The following GABRB1 variants were observed in gnomAD, a reference collection of about 807,000 sequenced individuals.
GABRB1 encodes gamma-aminobutyric acid receptor subunit beta-1.
GABRB1 carries 17 observed loss-of-function variants against 51.6 expected under a neutral mutation model. The observed-to-expected ratio is 0.33, with a 90% CI of 0.23 to 0.49. GABRB1 has a LOEUF of 0.49. Ranked by LOEUF, GABRB1 falls within the 20% of genes least tolerant of loss-of-function variation. The pLI, the probability that GABRB1 is intolerant of heterozygous loss-of-function variation, is 0.99. For synonymous variants in GABRB1, 247 were observed against 218.9 expected, an observed-to-expected ratio of 1.13 and a Z score of -1.14; for missense variants, 410 against 600.6, an observed-to-expected ratio of 0.68 and a Z score of 3.32.
intron 1 of GABRB1, among the ~76,000 whole-genome samples, chr4:47,023,613 A>G (rs1159931676): frequency 1.3e-5 from 2 of 152,044 alleles, no homozygotes; most frequent in African/African-American, 4.8e-5. Context: ...AAAAGAAGAA[A>G]AAATAACTGC....
At chr4:47,297,501 A>G (rs1724052923) in intron 4 of GABRB1, among the ~76,000 whole-genome samples, 2 of 152,180 alleles carry the variant, frequency 1.3e-5, no homozygotes, top group African/African-American at 4.8e-5. Flanking sequence ...TAAACTAGAG[A>G]ATCTAGAAGA....
At chr4:47,349,927 C>A (rs190398491) in intron 5 of GABRB1, among the ~76,000 whole-genome samples, 2 of 151,972 alleles carry the variant, frequency 1.3e-5, no homozygotes, top group Non-Finnish European at 2.9e-5. Context: ...TTATAGCCCT[C>A]TTACATATAG....
At chr4:47,019,549 TTCTCTCTC>T (rs142639522) in intron 1 of GABRB1, among the ~76,000 whole-genome samples, 4 of 128,818 alleles carry the variant, frequency 3.1e-5, no homozygotes, top group Non-Finnish European at 4.9e-5. Flanking sequence ...CAGGTTTAGT[TTCTCTCTC>T]TCTCTCTCTC....
intron 3 of GABRB1, among the ~76,000 whole-genome samples, chr4:47,043,942 T>C (rs1487673715): frequency 6.6e-6 from 1 of 152,138 alleles, no homozygotes; most frequent in South Asian, 2.1e-4. Context: ...GGTTTGCTTA[T>C]GGACAGAGAT....
At chr4:47,080,247 C>T (rs1727767338) in intron 3 of GABRB1, among the ~76,000 whole-genome samples, 4 of 150,902 alleles carry the variant, frequency 2.7e-5, no homozygotes, top group Admixed American at 2.0e-4. Flanking sequence ...TGACGCATGC[C>T]TTGTTTAGAA....
At chr4:47,097,501 C>T (rs1714505400) in intron 3 of GABRB1, among the ~76,000 whole-genome samples, 1 of 152,154 alleles carries the variant, frequency 6.6e-6, no homozygotes, top group African/African-American at 2.4e-5. Context: ...AATTTTCTTG[C>T]TCATTTTTCT....
chr4:47,316,090 C>T (rs947859203), intron 4 of GABRB1, among the ~76,000 whole-genome samples: 3 of 151,732 alleles, frequency 2.0e-5, no homozygotes, highest in Admixed American at 6.6e-5. Context: ...AGAAGCATTA[C>T]ACTATCACCT....
At chr4:47,175,524 T>C (rs969733198) in intron 4 of GABRB1, among the ~76,000 whole-genome samples, 1 of 152,210 alleles carries the variant, frequency 6.6e-6, no homozygotes, top group African/African-American at 2.4e-5. Context: ...TTGGCTTTTA[T>C]GTAGTCAGGT....
chr4:47,407,901 G>A (rs1728629733), intron 8 of GABRB1, among the ~76,000 whole-genome samples: 1 of 152,126 alleles, frequency 6.6e-6, no homozygotes, highest in Non-Finnish European at 1.5e-5. Context: ...AGACCAGCCT[G>A]GGCAACATGG....
intron 3 of GABRB1, among the ~76,000 whole-genome samples, chr4:47,072,640 G>A (rs902073870): frequency 6.6e-6 from 1 of 152,044 alleles, no homozygotes; most frequent in African/African-American, 2.4e-5. Flanking sequence ...TTTGCATAAG[G>A]CAATGCTGTG....
Position 47,123,401 on chromosome 4 carries a change from T to A in GABRB1, c.241-37848T>A, listed in dbSNP as rs1208162402. On this transcript the variant is annotated intron_variant, in intron 3 of 8. Transcript: ENST00000295454. ...TTATATTTTATATATATATTACATA[T>A]ATACATATATACACATATATATTAT... Among the ~76,000 whole-genome samples, 5 of 122,876 alleles carry A rather than the reference T, an allele frequency of 4.1e-5. 1 individual carries two copies. The highest frequency in any genetic ancestry group is 1.6e-4 in the African/African-American group (5 of 31,908). The allele number at this position is 122,876 out of a possible 152,430, so 80.6% of individuals were successfully genotyped here. A position where few individuals can be genotyped will look rare whatever the true frequency, so the allele number is the denominator to read the frequency against.
intron 3 of GABRB1, among the ~76,000 whole-genome samples, chr4:47,111,328 G>A (rs1366253613): frequency 6.6e-6 from 1 of 151,470 alleles, no homozygotes; most frequent in Non-Finnish European, 1.5e-5. Flanking sequence ...CAGCTATGAG[G>A]AATAAAACAG....
chr4:47,285,315 T>C (rs1051645229), intron 4 of GABRB1, among the ~76,000 whole-genome samples: 18 of 152,222 alleles, frequency 1.2e-4, no homozygotes, highest in African/African-American at 4.3e-4. Flanking sequence ...GAAAGCCTCA[T>C]GTTTACTATG....
chr4:47,173,466 C>A (rs1577972734), intron 4 of GABRB1, among the ~76,000 whole-genome samples: 1 of 152,104 alleles, frequency 6.6e-6, no homozygotes, highest in Non-Finnish European at 1.5e-5. Flanking sequence ...TCAACATTTT[C>A]TGAAAATATT....
intron 5 of GABRB1, among the ~76,000 whole-genome samples, chr4:47,385,988 A>G (rs1394786135): frequency 6.6e-6 from 1 of 152,184 alleles, no homozygotes; most frequent in East Asian, 1.9e-4. Flanking sequence ...CTCTCCAGGC[A>G]TGCCACCCTC....
At chr4:47,231,998 G>GTC (rs1486601598) in intron 4 of GABRB1, among the ~76,000 whole-genome samples, 6 of 152,116 alleles carry the variant, frequency 3.9e-5, no homozygotes, top group African/African-American at 1.4e-4. Flanking sequence ...TGCCCATGAA[G>GTC]TAGTAGGTAT....
intron 4 of GABRB1, among the ~76,000 whole-genome samples, chr4:47,217,587 T>A (rs1451750791): frequency 5.3e-5 from 8 of 151,798 alleles, no homozygotes; most frequent in African/African-American, 1.9e-4. Context: ...ATTGCTCCTG[T>A]CATCAAATCA....
chr4:47,418,375 G>A (rs61003073), intron 8 of GABRB1, among the ~76,000 whole-genome samples: 72,918 of 152,040 alleles, frequency 0.48, 20,064 homozygotes, highest in African/African-American at 0.76. Context: ...CTTGGCCAAC[G>A]TTTCTACAGT....
At chr4:47,048,280 G>A (rs1286838594) in intron 3 of GABRB1, among the ~76,000 whole-genome samples, 1 of 152,034 alleles carries the variant, frequency 6.6e-6, no homozygotes, top group Non-Finnish European at 1.5e-5. Flanking sequence ...TCTCTTCTTG[G>A]AACGACTAAC....
Sources: allele counts gnomAD v4.1 joint callset (sites outside exome capture counted in the v4.1 genomes callset), GRCh38; gene constraint gnomAD v4.1.1; transcripts MANE v1.5; gene names NCBI Gene and HGNC (gene_info 2026-07-23, HGNC 2026-07-21).